The following MRPS21 variants were observed in gnomAD, a reference collection of about 807,000 sequenced individuals.
MRPS21 encodes the protein small ribosomal subunit protein bS21m.
A neutral mutation model predicts 9.9 loss-of-function variants in MRPS21; 8 were observed. The observed-to-expected ratio is 0.81, with a 90% confidence interval of 0.47 to 1.45. The LOEUF (loss-of-function observed/expected upper bound fraction) is 1.45, where lower values mean the gene tolerates loss of function less well. MRPS21 is among the 40% of genes most tolerant of loss of function. The pLI is 0.00. For synonymous variants in MRPS21, 40 were observed against 40.3 expected (o/e 0.99, Z 0.03); for missense variants, 101 against 118.9 (o/e 0.85, Z 0.70).
intron 2 of MRPS21, among the ~76,000 whole-genome samples, chr1:150,305,663 C>T (rs139099782): frequency 4.3e-4 from 66 of 152,120 alleles, no homozygotes; most frequent in African/African-American, 1.5e-3. Context: ...GCCTTGATCT[C>T]GGCTCATTGC....
intron 2 of MRPS21, among the ~76,000 whole-genome samples, chr1:150,307,348 C>CATTTTTTTTTTTTTTTTTTT (rs1654376892): frequency 1.1e-5 from 1 of 87,552 alleles, no homozygotes. Flanking sequence ...GTGCCCAGTC[C>CATTTTTTTTTTTTTTTTTTT]TTTTTTTTTT....
At chr1:150,300,219 T>C (rs1654066498) in intron 2 of MRPS21, among the ~76,000 whole-genome samples, 1 of 152,038 alleles carries the variant, frequency 6.6e-6, no homozygotes. Context: ...GGTGCATACC[T>C]GTAATCCCAG....
At position 150,294,343 on chromosome 1, in the gene MRPS21, G is replaced by A; in HGVS notation, c.-24G>A. ...TCTCCATCATCCTTTAGGCTCTACA[G>A]AGTGAAGGTTTAAATCCAAGGTCAT... On this transcript the variant is annotated 5_prime_UTR_variant, in exon 2 of 3. Coordinates refer to ENST00000614145, the MANE Select transcript of MRPS21 (RefSeq NM_031901.6). The A allele has an allele frequency of 6.3e-7, 1 of 1,597,302 alleles. No individual in the cohort carries two copies. Among genetic ancestry groups the A allele is most frequent in the Non-Finnish European group, 8.6e-7 (1 of 1,166,130 alleles).
At chr1:150,301,813 C>A (rs1654145685) in intron 2 of MRPS21, among the ~76,000 whole-genome samples, 1 of 152,018 alleles carries the variant, frequency 6.6e-6, no homozygotes. Context: ...GTTGGCCAGG[C>A]TGGTCTCAAA....
At chr1:150,302,640 C>T (rs1000758770) in intron 2 of MRPS21, among the ~76,000 whole-genome samples, 2 of 152,148 alleles carry the variant, frequency 1.3e-5, no homozygotes, top group Non-Finnish European at 2.9e-5. Context: ...GGTTGCCAGG[C>T]GCCCGAACTC....
At chr1:150,295,288 G>C (rs587735381) in intron 2 of MRPS21, among the ~76,000 whole-genome samples, 1 of 152,086 alleles carries the variant, frequency 6.6e-6, no homozygotes, top group East Asian at 1.9e-4. Flanking sequence ...AAGCCACAGC[G>C]CCCGGCCCCG....
chr1:150,302,946 TCCAGGGAATGCCATTTA>T (rs1654202126), intron 2 of MRPS21, among the ~76,000 whole-genome samples: 1 of 152,206 alleles, frequency 6.6e-6, no homozygotes, highest in Admixed American at 6.6e-5. Context: ...AAGTAGTACA[TCCAGGGAATGCCATTTA>T]CCAACCCCCA....
chr1:150,304,272 C>T (rs139872441), intron 2 of MRPS21: 2,954 of 234,818 alleles, frequency 0.013, 91 homozygotes, highest in African/African-American at 0.06. Context: ...GATGGTGACA[C>T]TGCACTCCAG....
chr1:150,301,329 T>C (rs1396775717), intron 2 of MRPS21: 7 of 254,040 alleles, frequency 2.8e-5, no homozygotes, highest in African/African-American at 7.2e-5. Context: ...GAGCGAGACT[T>C]CGTCTCAAAA....
At chr1:150,299,639 G>T (rs1553857294) in intron 2 of MRPS21, among the ~76,000 whole-genome samples, 3 of 152,036 alleles carry the variant, frequency 2.0e-5, no homozygotes, top group African/African-American at 7.2e-5. Flanking sequence ...ATTTTTAGTA[G>T]AGACGGGGTT....
intron 2 of MRPS21, chr1:150,301,429 C>G (rs1413102724): frequency 5.2e-6 from 1 of 192,474 alleles, no homozygotes; most frequent in Admixed American, 6.0e-5. Context: ...ACCCAGGAGG[C>G]GGAGGTTCCA....
intron 2 of MRPS21, chr1:150,305,151 T>A: frequency 5.0e-6 from 1 of 201,812 alleles, no homozygotes; most frequent in Non-Finnish European, 1.0e-5. Context: ...CATTCTCCCA[T>A]GTCAGCCTCC....
At chr1:150,299,772 G>A (rs1654050299) in intron 2 of MRPS21, among the ~76,000 whole-genome samples, 1 of 152,000 alleles carries the variant, frequency 6.6e-6, no homozygotes, top group Non-Finnish European at 1.5e-5. Flanking sequence ...TACTTTTATG[G>A]TTCTCTTTTT....
intron 2 of MRPS21, among the ~76,000 whole-genome samples, chr1:150,303,113 A>G (rs1343260113): frequency 6.6e-6 from 1 of 152,178 alleles, no homozygotes; most frequent in Non-Finnish European, 1.5e-5. Flanking sequence ...TTGGAACTCC[A>G]GTAGGGTTCC....
At chr1:150,303,815 G>C in intron 2 of MRPS21, 1 of 447,164 alleles carries the variant, frequency 2.2e-6, no homozygotes, top group Non-Finnish European at 4.5e-6. Flanking sequence ...CCCAATAACT[G>C]TATATATTGT....
chr1:150,303,483 T>A (rs1654218175), intron 2 of MRPS21, among the ~76,000 whole-genome samples: 1 of 152,140 alleles, frequency 6.6e-6, no homozygotes, highest in Admixed American at 6.6e-5. Context: ...GATTGAAGAG[T>A]CTAGCCCAGC....
At chr1:150,305,228 G>A (rs1654288337) in intron 2 of MRPS21, among the ~76,000 whole-genome samples, 1 of 151,920 alleles carries the variant, frequency 6.6e-6, no homozygotes. Flanking sequence ...TGTGGAGATG[G>A]GGTTCTCACT....
intron 2 of MRPS21, among the ~76,000 whole-genome samples, chr1:150,302,545 T>TC (rs1196368460): frequency 3.9e-4 from 60 of 152,020 alleles, no homozygotes; most frequent in Non-Finnish European, 8.8e-5. Context: ...CACCCGCACC[T>TC]CCCCCCGCTC....
intron 1 of MRPS21, 64 bp downstream of exon 1, chr1:150,293,962 CT>C (rs767194484): frequency 4.7e-6 from 1 of 212,124 alleles, no homozygotes; most frequent in Non-Finnish European, 9.9e-6. Flanking sequence ...GGTTTGCGGG[CT>C]TTCGCCCCCT....
Sources: allele counts gnomAD v4.1 joint callset (sites outside exome capture counted in the v4.1 genomes callset), GRCh38; gene constraint gnomAD v4.1.1; transcripts MANE v1.5; gene names NCBI Gene and HGNC (gene_info 2026-07-23, HGNC 2026-07-21).